Variants in MYOM1 observed in about 807,000 individuals in gnomAD.
MYOM1 encodes myomesin 1.
MYOM1 carries 164 observed loss-of-function variants against 205.3 expected under a neutral mutation model. That is an observed-to-expected ratio of 0.80 (90% confidence interval 0.70 to 0.91). The LOEUF (loss-of-function observed/expected upper bound fraction) is 0.91. Ranked by LOEUF, MYOM1 falls within the 40% of genes least tolerant of loss-of-function variation. The pLI is 0.00. For missense variants in MYOM1, 2,011 were observed against 2,127.3 expected (o/e 0.95, Z 1.08); for synonymous variants, 772 against 789.4 (o/e 0.98, Z 0.37).
intron 31 of MYOM1, 41 bp from the exon 32 acceptor site, chr18:3,084,068 T>G: frequency 6.4e-7 from 1 of 1,553,676 alleles, no homozygotes; most frequent in Non-Finnish European, 8.7e-7. Flanking sequence ...AGCATAAAAA[T>G]TCTCAATGTA....
the MYOM1 span, among the ~76,000 whole-genome samples, chr18:3,238,376 GA>G: frequency 1.3e-5 from 2 of 152,100 alleles, no homozygotes; most frequent in East Asian, 3.9e-4. Flanking sequence ...CGACCTGGGG[GA>G]GGGGGGAGGC....
chr18:3,123,789 C>T (rs1164991932), intron 19 of MYOM1, among the ~76,000 whole-genome samples: 5 of 150,384 alleles, frequency 3.3e-5, no homozygotes, highest in Admixed American at 2.0e-4. Context: ...ATCTATCAGT[C>T]ATCAACTTTA....
At chr18:3,164,150 C>A (rs1201076686) in intron 10 of MYOM1, 128 bp downstream of exon 10, 1 of 1,056,450 alleles carries the variant, frequency 9.5e-7, no homozygotes, top group Non-Finnish European at 1.4e-6. Flanking sequence ...AGACATTGCA[C>A]CCTGCCAGAA....
Position 3,119,937 on chromosome 18 carries a change from G to A in MYOM1, c.3050C>T (p.Ala1017Val). 7 of 1,611,550 alleles carry A rather than the reference G, an allele frequency of 4.3e-6. No individual in the cohort carries two copies. Among genetic ancestry groups the A allele is most frequent in the Non-Finnish European group, 5.9e-6 (7 of 1,178,894 alleles). ...TACTGCGGAGGGCGCGCCCAGCCCA[G>A]CCATGTTCATGGCTGCCACTTGGAA... ...YQFQVAAMNM[A>V]GLGAPSAVSE... The change falls in exon 20 of 38, where the codon GCT (alanine) becomes GTT (valine). Residue 1017 changes from alanine to valine, a missense_variant. By Grantham distance (64) the Ala-to-Val change is moderately conservative (BLOSUM62 0). Coordinates refer to ENST00000356443, the MANE Select transcript of MYOM1 (RefSeq NM_003803.4).
At chr18:3,244,947 A>G in the MYOM1 span, among the ~76,000 whole-genome samples, 39 of 151,098 alleles carry the variant, frequency 2.6e-4, no homozygotes, top group East Asian at 5.5e-3. Context: ...AAAAAAAAAA[A>G]TTTAAAAAGG....
At chr18:3,095,358 C>T (rs1471785153) in intron 25 of MYOM1, among the ~76,000 whole-genome samples, 1 of 152,110 alleles carries the variant, frequency 6.6e-6, no homozygotes, top group Admixed American at 6.5e-5. Flanking sequence ...CCCTTGAGGT[C>T]AGAAGTTCGA....
At chr18:3,093,297 C>G (rs2079252260) in intron 26 of MYOM1, among the ~76,000 whole-genome samples, 1 of 152,204 alleles carries the variant, frequency 6.6e-6, no homozygotes, top group South Asian at 2.1e-4. Context: ...CATGATAGCA[C>G]AGGTCAGTGC....
chr18:3,134,390 G>A (rs1035691568), intron 16 of MYOM1, among the ~76,000 whole-genome samples: 38 of 148,264 alleles, frequency 2.6e-4, no homozygotes, highest in Non-Finnish European at 4.9e-4. Flanking sequence ...CTTATTTAAA[G>A]TATAATGTTT....
At chr18:3,138,319 GGACTTT>G (rs2143926460) in intron 14 of MYOM1, among the ~76,000 whole-genome samples, 1 of 141,532 alleles carries the variant, frequency 7.1e-6, no homozygotes, top group East Asian at 2.4e-4. Flanking sequence ...TACATTTTTG[GGACTTT>G]AAGTTTATCA....
chr18:3,211,824 G>A (rs2081194188), intron 2 of MYOM1, among the ~76,000 whole-genome samples: 1 of 152,148 alleles, frequency 6.6e-6, no homozygotes, highest in Non-Finnish European at 1.5e-5. Context: ...ACTCTCCATA[G>A]TTTCCACTTT....
At chr18:3,236,749 T>C in the MYOM1 span, among the ~76,000 whole-genome samples, 1 of 151,980 alleles carries the variant, frequency 6.6e-6, no homozygotes, top group African/African-American at 2.4e-5. Context: ...TGGTGATCGG[T>C]GTATAAGTGG....
intron 21 of MYOM1, among the ~76,000 whole-genome samples, chr18:3,115,706 T>A (rs1290447726): frequency 1.3e-5 from 2 of 152,216 alleles, no homozygotes; most frequent in Non-Finnish European, 2.9e-5. Flanking sequence ...TTCCTTTTGC[T>A]ACAAATGAGA....
At position 3,067,081 on chromosome 18, in the gene MYOM1, TAAAGAA is replaced by T. The variant is rs1156926660; in HGVS notation, c.*175_*180del. On this transcript the variant is annotated 3_prime_UTR_variant, in exon 38 of 38. Transcript: ENST00000356443. Reference sequence around the variant, plus strand: ...TTTTCTTAACACATAATTTTGTAGATAAAGAAAAACAATTAAAGTGTCATTAGTTGG... The same window carrying T: ...TTTTCTTAACACATAATTTTGTAGATAAACAATTAAAGTGTCATTAGTTGG... The T allele has an allele frequency of 2.5e-5, 16 of 646,046 alleles. No homozygotes were observed. Among genetic ancestry groups the T allele is most frequent in the East Asian group, 1.1e-4 (4 of 36,154 alleles). 40.0% of individuals were successfully genotyped at this position (646,046 alleles called of 1,614,324 possible).
intron 10 of MYOM1, among the ~76,000 whole-genome samples, chr18:3,161,455 T>G (rs939678761): frequency 6.6e-6 from 1 of 152,184 alleles, no homozygotes; most frequent in Non-Finnish European, 1.5e-5. Flanking sequence ...CTGTGAAGTG[T>G]CTGCATGTGC....
intron 14 of MYOM1, among the ~76,000 whole-genome samples, chr18:3,136,277 A>G (rs2079964365): frequency 2.0e-5 from 3 of 152,124 alleles, no homozygotes; most frequent in Non-Finnish European, 4.4e-5. Context: ...AAAATGGACT[A>G]ATACAGCGTT....
chr18:3,133,793 A>G (rs1237025775), intron 16 of MYOM1, among the ~76,000 whole-genome samples: 1 of 152,240 alleles, frequency 6.6e-6, no homozygotes, highest in Non-Finnish European at 1.5e-5. Flanking sequence ...AACCTTTTAA[A>G]AAAAGATGTA....
At chr18:3,221,822 T>C (rs1297599296), upstream of MYOM1, among the ~76,000 whole-genome samples, 2 of 152,360 alleles carry the variant, frequency 1.3e-5, no homozygotes, top group South Asian at 2.1e-4. Flanking sequence ...TTAGTAAGCA[T>C]GTGGACATTT....
chr18:3,183,545 C>T (rs1049857110), intron 5 of MYOM1, among the ~76,000 whole-genome samples: 2 of 152,074 alleles, frequency 1.3e-5, no homozygotes, highest in Non-Finnish European at 2.9e-5. Flanking sequence ...AGGGCTCTGC[C>T]GGAGACAGGC....
At chr18:3,109,519 A>G (rs1166648517) in intron 22 of MYOM1, among the ~76,000 whole-genome samples, 1 of 152,172 alleles carries the variant, frequency 6.6e-6, no homozygotes, top group Non-Finnish European at 1.5e-5. Flanking sequence ...CTTTCCCACA[A>G]AGTTGGGCTG....
Sources: allele counts gnomAD v4.1 joint callset (sites outside exome capture counted in the v4.1 genomes callset), GRCh38; gene constraint gnomAD v4.1.1; transcripts MANE v1.5; gene names NCBI Gene and HGNC (gene_info 2026-07-23, HGNC 2026-07-21).